The following TMEM9 variants were observed in gnomAD, a reference collection of about 807,000 sequenced individuals.
The protein encoded by TMEM9 is proton-transporting V-type ATPase complex assembly regulator TMEM9.
Under a neutral mutation model 22.8 loss-of-function variants are expected in TMEM9, and 13 were observed. That is an observed-to-expected ratio of 0.57 (90% CI 0.37 to 0.91). The LOEUF is 0.91. Ranked by LOEUF, TMEM9 falls within the 40% of genes least tolerant of loss-of-function variation. The pLI is 0.01. For synonymous variants in TMEM9, 88 were observed against 93.0 expected, an observed-to-expected ratio of 0.95 and a Z score of 0.31; for missense variants, 182 against 238.1, an observed-to-expected ratio of 0.76 and a Z score of 1.55.
intron 2 of TMEM9, 85 bp downstream of exon 2, chr1:201,151,676 T>G: frequency 2.0e-6 from 2 of 989,142 alleles, no homozygotes; most frequent in Non-Finnish European, 3.2e-6. Flanking sequence ...GAGAGCATGC[T>G]TATCCTCCAG....
upstream of TMEM9, among the ~76,000 whole-genome samples, chr1:201,156,240 G>C (rs1379254226): frequency 6.6e-6 from 1 of 152,124 alleles, no homozygotes; most frequent in Non-Finnish European, 1.5e-5. Context: ...AACTATCTTT[G>C]ACTCCTCTCT....
At chr1:201,158,885 G>A (rs1301633303), upstream of TMEM9, among the ~76,000 whole-genome samples, 4 of 152,132 alleles carry the variant, frequency 2.6e-5, no homozygotes, top group Non-Finnish European at 4.4e-5. Context: ...ACAGCTGTGG[G>A]TCTGGGTTCT....
intron 4 of TMEM9, among the ~76,000 whole-genome samples, chr1:201,137,192 G>A (rs1664074902): frequency 1.3e-5 from 2 of 152,220 alleles, no homozygotes; most frequent in African/African-American, 4.8e-5. Flanking sequence ...GTCAGGCAGG[G>A]GGCATACTGA....
In TMEM9 at chr1:201,162,089, A is replaced by G. The variant is rs1171132141; in HGVS notation, c.-36-8130T>C. ...AGGAACCTTTTAATACATATGAGTG[A>G]TCAAGAGTGTGTGGTATTAGTGGAG... On this transcript the variant is annotated intron_variant, in intron 1 of 5. Transcript: ENST00000367333. Among the ~76,000 whole-genome samples the G allele has an allele frequency of 2.6e-5, 4 of 152,282 alleles. No individual in the cohort carries two copies. In the South Asian group the frequency reaches 8.3e-4, roughly 32 times the overall value.
chr1:201,149,188 C>T (rs948514067), intron 2 of TMEM9, among the ~76,000 whole-genome samples: 3 of 152,168 alleles, frequency 2.0e-5, no homozygotes, highest in African/African-American at 7.2e-5. Flanking sequence ...CTCCAACTCT[C>T]CTGTGATTGG....
intron 1 of TMEM9, among the ~76,000 whole-genome samples, chr1:201,170,796 G>T (rs1213227127): frequency 3.9e-5 from 6 of 152,306 alleles, no homozygotes. Context: ...CAGTCCAAAC[G>T]TGGCCCGCCC....
intron 1 of TMEM9, among the ~76,000 whole-genome samples, chr1:201,162,549 AAC>A (rs1339996331): frequency 1.3e-5 from 2 of 150,276 alleles, no homozygotes; most frequent in Admixed American, 6.6e-5. Context: ...AAAAAAAAAA[AAC>A]CCTGACTGAA....
rs546170329 is a variant in TMEM9 at position 201,143,965 on chromosome 1, C to A, written c.268-14G>T. 2 of 1,613,692 alleles carry A rather than the reference C, an allele frequency of 1.2e-6. No individual in the cohort carries two copies. The highest frequency in any genetic ancestry group is 8.5e-7 in the Non-Finnish European group (1 of 1,179,830). ...GACAATGATGACCTGAGGAAGAGAC[C>A]GGCGTGCCTATGAACCATTATCTGA... is the stretch of plus-strand genomic sequence containing the variant. On this transcript the variant is annotated splice_polypyrimidine_tract_variant and intron_variant, in intron 3 of 4. Transcript: ENST00000367330.
At chr1:201,170,467 A>C (rs1220783621) in intron 1 of TMEM9, among the ~76,000 whole-genome samples, 1 of 152,192 alleles carries the variant, frequency 6.6e-6, no homozygotes, top group Non-Finnish European at 1.5e-5. Flanking sequence ...AAAGTGAAAA[A>C]TGCACTCATC....
At position 201,135,530 on chromosome 1, in the gene TMEM9, A is replaced by G. The variant is rs1353290674; in HGVS notation, c.*133T>C. ...GTACAACATTTCTAAAGTTAGGGAG[A>G]AGGAGGAAAAATGCCACAGGCTTTT... On this transcript the variant is annotated 3_prime_UTR_variant, in exon 5 of 5. Transcript: ENST00000367330. The G allele has an allele frequency of 1.4e-5, 13 of 903,012 alleles. No individual in the cohort carries two copies. Among genetic ancestry groups the G allele is most frequent in the Non-Finnish European group, 1.8e-5 (11 of 623,648 alleles). 55.9% of individuals were successfully genotyped at this position (903,012 alleles called of 1,614,324 possible).
chr1:201,166,509 C>G (rs1666081743), intron 1 of TMEM9, among the ~76,000 whole-genome samples: 1 of 151,992 alleles, frequency 6.6e-6, no homozygotes, highest in Non-Finnish European at 1.5e-5. Context: ...ACTGCAGGCA[C>G]CTGCCACCAT....
Position 201,146,835 on chromosome 1 carries a change from C to G in TMEM9, c.172G>C (p.Val58Leu), listed in dbSNP as rs768289148. The G allele has an allele frequency of 1.2e-6, 2 of 1,614,178 alleles. No individual in the cohort carries two copies. Among genetic ancestry groups the G allele is most frequent in the Non-Finnish European group, 1.7e-6 (2 of 1,180,018 alleles). The change falls in exon 3 of 5, where the codon GTG becomes CTG. Residue 58 changes from valine to leucine, a missense_variant. Coordinates refer to ENST00000367330, the MANE Select transcript of TMEM9 (RefSeq NM_001288565.2). ...CCAGGCACTGGCATGGGCTCCACCA[C>G]GTGCAGGCAGTTGCTACAACAGAGA... is the stretch of plus-strand genomic sequence containing the variant. ...VSQKDCNCLH[V>L]VEPMPVPGHD...
chr1:201,153,095 A>G (rs1038027389), intron 1 of TMEM9, among the ~76,000 whole-genome samples: 2 of 152,232 alleles, frequency 1.3e-5, no homozygotes, highest in African/African-American at 4.8e-5. Context: ...CAGGAGACAG[A>G]AAGCCTTATG....
At chr1:201,166,492 A>T (rs1259882957) in intron 1 of TMEM9, among the ~76,000 whole-genome samples, 1 of 151,924 alleles carries the variant, frequency 6.6e-6, no homozygotes, top group African/African-American at 2.4e-5. Context: ...CCTCCCGAGT[A>T]GCTGAAACTG....
At position 201,153,192 on chromosome 1, in the gene TMEM9, A is replaced by G. The variant is rs114775677; in HGVS notation, c.66+666T>C. Reference sequence around the variant, plus strand: ...ACACATCATTTATTTTCACTGTGTTAATAGTACATCATATTTTTTTACCGT... The same window carrying G: ...ACACATCATTTATTTTCACTGTGTTGATAGTACATCATATTTTTTTACCGT... On this transcript the variant is annotated intron_variant, in intron 1 of 4. Transcript: ENST00000367330. Among the ~76,000 whole-genome samples, 1,032 of 152,366 alleles carry G rather than the reference A, an allele frequency of 6.8e-3. 10 individuals are homozygous for G. The highest frequency in any genetic ancestry group is 0.024 in the African/African-American group (996 of 41,576).
chr1:201,150,117 G>A (rs1221774821), intron 2 of TMEM9, among the ~76,000 whole-genome samples: 1 of 152,254 alleles, frequency 6.6e-6, no homozygotes, highest in Admixed American at 6.5e-5. Context: ...CAGAGAGAGT[G>A]TTCCTAAATT....
At chr1:201,170,987 G>A (rs1666198168) in intron 1 of TMEM9, among the ~76,000 whole-genome samples, 1 of 152,288 alleles carries the variant, frequency 6.6e-6, no homozygotes, top group African/African-American at 2.4e-5. Flanking sequence ...GGTGTTACCT[G>A]AGTAAGATTG....
At chr1:201,163,721 C>G (rs1236991941) in intron 1 of TMEM9, among the ~76,000 whole-genome samples, 4 of 151,856 alleles carry the variant, frequency 2.6e-5, no homozygotes, top group African/African-American at 9.7e-5. Flanking sequence ...AAAATAGTGA[C>G]AATTCCAAAT....
chr1:201,146,535 C>A, intron 3 of TMEM9: 1 of 671,176 alleles, frequency 1.5e-6, no homozygotes, highest in Non-Finnish European at 2.7e-6. Flanking sequence ...GTAATGGTAA[C>A]TACTGGAAAG....
Sources: allele counts gnomAD v4.1 joint callset (sites outside exome capture counted in the v4.1 genomes callset), GRCh38; gene constraint gnomAD v4.1.1; transcripts MANE v1.5; gene names NCBI Gene and HGNC (gene_info 2026-07-23, HGNC 2026-07-21).